UNC5C: variants seen among roughly 807,000 people sequenced by gnomAD.
UNC5C encodes the protein netrin receptor UNC5C.
Under a neutral mutation model 99.8 loss-of-function variants are expected in UNC5C, and 47 were observed. That is an observed-to-expected ratio of 0.47 (90% CI 0.37 to 0.60). The LOEUF (loss-of-function observed/expected upper bound fraction) is 0.60. Among genes scored for constraint, UNC5C ranks in the 20% least tolerant of loss-of-function variants. The pLI, the probability that UNC5C is intolerant of heterozygous loss-of-function variation, is 0.00. For missense variants in UNC5C, 1,062 were observed against 1,165.9 expected, an observed-to-expected ratio of 0.91 and a Z score of 1.30; for synonymous variants, 487 against 452.2, an observed-to-expected ratio of 1.08 and a Z score of -0.98.
intron 1 of UNC5C, among the ~76,000 whole-genome samples, chr4:95,542,492 G>C (rs1228082241): frequency 2.0e-5 from 3 of 152,074 alleles, no homozygotes; most frequent in African/African-American, 7.2e-5. Context: ...CTTAATTAAT[G>C]TCATGGCAAC....
At chr4:95,401,470 GT>G (rs1261770579) in intron 1 of UNC5C, among the ~76,000 whole-genome samples, 2 of 151,796 alleles carry the variant, frequency 1.3e-5, no homozygotes, top group Non-Finnish European at 2.9e-5. Context: ...CCAGGCTAAG[GT>G]TTTTTTGTAG....
At chr4:95,369,780 G>A (rs1744690724) in intron 1 of UNC5C, among the ~76,000 whole-genome samples, 2 of 152,118 alleles carry the variant, frequency 1.3e-5, no homozygotes, top group Admixed American at 1.3e-4. Context: ...AACAAAGAAA[G>A]TTTCGACTAC....
chr4:95,174,373 G>A (rs1294159430), intron 14 of UNC5C, among the ~76,000 whole-genome samples: 1 of 151,934 alleles, frequency 6.6e-6, no homozygotes, highest in Non-Finnish European at 1.5e-5. Flanking sequence ...TCTCTTGTGG[G>A]CATTAAAGTG....
At chr4:95,445,261 T>G (rs2149465058) in intron 1 of UNC5C, among the ~76,000 whole-genome samples, 1 of 152,278 alleles carries the variant, frequency 6.6e-6, no homozygotes, top group Middle Eastern at 3.4e-3. Flanking sequence ...TTTCCATTCT[T>G]AGTTTTTTTC....
chr4:95,271,514 C>T (rs1474485864), intron 4 of UNC5C, among the ~76,000 whole-genome samples: 4 of 152,046 alleles, frequency 2.6e-5, no homozygotes, highest in Non-Finnish European at 5.9e-5. Flanking sequence ...CAGGCGTGAG[C>T]CACCGCGCCC....
At chr4:95,352,459 CTGAT>C (rs1315566704) in intron 1 of UNC5C, among the ~76,000 whole-genome samples, 1 of 152,124 alleles carries the variant, frequency 6.6e-6, no homozygotes, top group African/African-American at 2.4e-5. Flanking sequence ...TTCCTTCTAT[CTGAT>C]TATTTCTTAC....
In UNC5C at chr4:95,278,288, G is replaced by A. The variant is rs1421413819; in HGVS notation, c.565C>T (p.Arg189Ter). 3.1e-6 allele frequency: 5 copies of A among 1,613,918 alleles called. No homozygotes were observed. The highest frequency in any genetic ancestry group is 3.4e-6 in the Non-Finnish European group (4 of 1,180,000). The change falls in exon 4 of 16, where the codon CGA becomes TGA. Residue 189 changes from arginine to a stop codon, truncating the protein, a stop_gained. Coordinates refer to ENST00000453304, the MANE Select transcript of UNC5C (RefSeq NM_003728.4). LOFTEE classifies it high-confidence loss of function. ...GCCACTGGGATCCCTTCAGGTGGTCGACACTGGAGTAAGACTTCCTGTTCC... is the reference window on the plus strand; with the variant it reads ...GCCACTGGGATCCCTTCAGGTGGTCAACACTGGAGTAAGACTTCCTGTTCC... The part of the protein sequence containing the change: ...SLEQEVLLQC[R>*]PPEGIPVAEV...
intron 1 of UNC5C, among the ~76,000 whole-genome samples, chr4:95,449,075 A>AC (rs111846383): frequency 7.2e-5 from 11 of 151,798 alleles, no homozygotes; most frequent in South Asian, 4.2e-4. Flanking sequence ...GAAAAAAAAA[A>AC]CAAATTATAT....
rs1001635550 is a variant in UNC5C at position 95,165,853 on chromosome 4, A to G, written c.*3381T>C. On this transcript the variant is annotated 3_prime_UTR_variant, in exon 16 of 16. Coordinates refer to ENST00000453304, the MANE Select transcript of UNC5C (RefSeq NM_003728.4). Reference sequence around the variant, plus strand: ...GACAACTCTTCAAAGACTGTTTTATATAGATTTTACATAGTTCTGTTACAA... The same window carrying G: ...GACAACTCTTCAAAGACTGTTTTATGTAGATTTTACATAGTTCTGTTACAA... The G allele has an allele frequency of 3.3e-5, 5 of 152,200 alleles. No individual in the cohort carries two copies. The highest frequency in any genetic ancestry group is 7.3e-5 in the Non-Finnish European group (5 of 68,036). The allele number at this position is 152,200 out of a possible 1,614,324, so 9.4% of individuals were successfully genotyped here. A position where few individuals can be genotyped will look rare whatever the true frequency, so the allele number is the denominator to read the frequency against.
At chr4:95,540,870 C>G (rs1722900663) in intron 1 of UNC5C, among the ~76,000 whole-genome samples, 1 of 152,052 alleles carries the variant, frequency 6.6e-6, no homozygotes, top group Non-Finnish European at 1.5e-5. Flanking sequence ...TAATACAGAT[C>G]TCCAAAAATC....
At chr4:95,355,946 T>C (rs1744167561) in intron 1 of UNC5C, among the ~76,000 whole-genome samples, 1 of 151,928 alleles carries the variant, frequency 6.6e-6, no homozygotes, top group Admixed American at 6.6e-5. Flanking sequence ...TTCCAGTAGT[T>C]TGGGGGACTG....
chr4:95,545,535 G>A (rs1399931972), intron 1 of UNC5C, among the ~76,000 whole-genome samples: 2 of 151,548 alleles, frequency 1.3e-5, no homozygotes, highest in Non-Finnish European at 2.9e-5. Context: ...CTCTTTTGTA[G>A]GAAGACATAT....
intron 1 of UNC5C, among the ~76,000 whole-genome samples, chr4:95,365,689 C>T (rs67577599): frequency 0.14 from 20,631 of 151,972 alleles, 1,670 homozygotes; most frequent in African/African-American, 0.21. Context: ...CAATTTCTAA[C>T]ATACATAGAG....
chr4:95,507,516 T>C (rs1303564997), intron 1 of UNC5C, among the ~76,000 whole-genome samples: 2 of 152,014 alleles, frequency 1.3e-5, no homozygotes, highest in Non-Finnish European at 2.9e-5. Flanking sequence ...TTTAAAATAT[T>C]AGTTTCCTCT....
intron 12 of UNC5C, among the ~76,000 whole-genome samples, chr4:95,192,662 T>C (rs1280164229): frequency 7.4e-6 from 1 of 134,348 alleles, no homozygotes; most frequent in Non-Finnish European, 1.6e-5. Flanking sequence ...GCTCACCTCT[T>C]CCCCTGCTCA....
chr4:95,388,031 C>T (rs1206391143), intron 1 of UNC5C, among the ~76,000 whole-genome samples: 1 of 152,072 alleles, frequency 6.6e-6, no homozygotes, highest in East Asian at 1.9e-4. Flanking sequence ...AACTACCTAG[C>T]AGAGATGAAC....
intron 7 of UNC5C, among the ~76,000 whole-genome samples, chr4:95,235,977 G>C (rs1261633028): frequency 5.3e-5 from 8 of 152,162 alleles, no homozygotes; most frequent in South Asian, 2.1e-4. Flanking sequence ...CACTTTTACA[G>C]TGTTGGTAGG....
rs564687077 is a variant in UNC5C at position 95,230,293 on chromosome 4, G to GT, written c.1109-10118dup. On this transcript the variant is annotated intron_variant, in intron 7 of 15. Coordinates refer to ENST00000453304, the MANE Select transcript of UNC5C (RefSeq NM_003728.4). ...TGTTTGCCCACTTTTTGATGGGGTT[G>GT]TTTTTTTCTTATAAATTTGTTTAAG... Among the ~76,000 whole-genome samples the GT allele has an allele frequency of 4.6e-3, 699 of 152,122 alleles. 1 individual carries two copies. Among genetic ancestry groups the GT allele is most frequent in the Non-Finnish European group, 6.7e-3 (457 of 67,990 alleles).
At chr4:95,314,852 A>G (rs1377187377) in intron 2 of UNC5C, among the ~76,000 whole-genome samples, 5 of 152,328 alleles carry the variant, frequency 3.3e-5, no homozygotes, top group African/African-American at 4.8e-5. Flanking sequence ...TTTCACGTCA[A>G]TTTGTTCAAC....
Sources: gnomAD v4.1 joint callset for allele counts (sites outside exome capture counted in the v4.1 genomes callset) on GRCh38, gnomAD v4.1.1 for gene constraint, MANE v1.5 for transcripts, NCBI Gene and HGNC (gene_info 2026-07-23, HGNC 2026-07-21) for gene names.